The following GABBR2 variants were observed in gnomAD, a reference collection of about 807,000 sequenced individuals.
GABBR2 encodes G-protein coupled receptor 51.
In GABBR2, 23 loss-of-function variants were observed where a neutral mutation model predicts 105.6. That is an observed-to-expected ratio of 0.22 (90% CI 0.16 to 0.31). The LOEUF (loss-of-function observed/expected upper bound fraction) is 0.31. Among genes scored for constraint, GABBR2 ranks in the 10% least tolerant of loss-of-function variants. The pLI is 1.00. For missense variants in GABBR2, 734 were observed against 1,245.5 expected (o/e 0.59, Z 6.18); for synonymous variants, 478 against 499.7 (o/e 0.96, Z 0.58).
intron 2 of GABBR2, among the ~76,000 whole-genome samples, chr9:98,563,586 T>C (rs1459349257): frequency 6.6e-6 from 1 of 152,228 alleles, no homozygotes; most frequent in Non-Finnish European, 1.5e-5. Flanking sequence ...ACCCCGGATG[T>C]GAAGGAAGTC....
chr9:98,607,128 T>A, intron 1 of GABBR2: 1 of 1,609,458 alleles, frequency 6.2e-7, no homozygotes, highest in Non-Finnish European at 8.5e-7. Context: ...AAAGTTTTAA[T>A]CAAAGAAGGT....
intron 13 of GABBR2, among the ~76,000 whole-genome samples, chr9:98,360,664 T>G (rs1254424785): frequency 6.6e-6 from 1 of 152,122 alleles, no homozygotes; most frequent in African/African-American, 2.4e-5. Context: ...ATAGCAGCAG[T>G]GCTTATTACA....
intron 1 of GABBR2, among the ~76,000 whole-genome samples, chr9:98,589,773 G>A (rs147207208): frequency 6.8e-4 from 102 of 148,944 alleles, no homozygotes; most frequent in African/African-American, 2.5e-3. Flanking sequence ...GGAGTGCAGT[G>A]GTGCCATCAT....
intron 2 of GABBR2, among the ~76,000 whole-genome samples, chr9:98,560,836 TTAA>T (rs891479966): frequency 4.7e-5 from 7 of 149,984 alleles, no homozygotes; most frequent in African/African-American, 1.7e-4. Flanking sequence ...ACACATACAC[TTAA>T]TGATGTTTTT....
At chr9:98,481,949 T>C (rs1826931729) in intron 4 of GABBR2, among the ~76,000 whole-genome samples, 1 of 152,186 alleles carries the variant, frequency 6.6e-6, no homozygotes, top group Non-Finnish European at 1.5e-5. Flanking sequence ...GGGTCTTTGT[T>C]GCTTTCTGGG....
rs148736932 is a variant in GABBR2, at chr9:98,428,164, T to A, written c.1237-22023A>T. On this transcript the variant is annotated intron_variant, in intron 7 of 18. Transcript: ENST00000259455. The stretch of plus-strand genomic sequence containing the variant: ...CTGGATGGCTCAAAAGAAGAGACTT[T>A]ATTAAAAACTACTCGCAGGGTAGGG... Among the ~76,000 whole-genome samples, 376 of 152,294 alleles carry A rather than the reference T, an allele frequency of 2.5e-3. 3 individuals are homozygous for A. The highest frequency in any genetic ancestry group is 4.4e-3 in the Non-Finnish European group (302 of 68,030).
At chr9:98,585,666 A>G (rs1017935541) in intron 1 of GABBR2, among the ~76,000 whole-genome samples, 6 of 152,084 alleles carry the variant, frequency 3.9e-5, no homozygotes, top group African/African-American at 1.4e-4. Context: ...AAAAATATAT[A>G]TGTGTTAGGC....
At chr9:98,598,735 A>G (rs1460567649) in intron 1 of GABBR2, among the ~76,000 whole-genome samples, 1 of 152,100 alleles carries the variant, frequency 6.6e-6, no homozygotes, top group East Asian at 1.9e-4. Flanking sequence ...GGGCTTCCAC[A>G]TGGCTGGCAG....
Position 98,392,632 on chromosome 9 carries a change from G to A in GABBR2, c.1378+1543C>T, listed in dbSNP as rs62574570. On this transcript the variant is annotated intron_variant, in intron 9 of 18. Transcript: ENST00000259455. The stretch of plus-strand genomic sequence containing the variant: ...GACAGAGTCTAATCAAAGGGCCTGC[G>A]GAAGAGCCTTCTCTGGTGCCCTTGC... Among the ~76,000 whole-genome samples the A allele has an allele frequency of 3.2e-3, 494 of 152,264 alleles. 2 individuals carry two copies. The highest frequency in any genetic ancestry group is 4.8e-3 in the Non-Finnish European group (325 of 68,012).
intron 12 of GABBR2, among the ~76,000 whole-genome samples, chr9:98,364,403 C>G (rs894533386): frequency 6.6e-5 from 10 of 152,190 alleles, no homozygotes; most frequent in Non-Finnish European, 4.4e-5. Flanking sequence ...AAGGCCTGAC[C>G]TGCACCTTTC....
chr9:98,533,151 C>T (rs935035352), intron 3 of GABBR2, among the ~76,000 whole-genome samples: 7 of 152,192 alleles, frequency 4.6e-5, no homozygotes, highest in African/African-American at 1.7e-4. Flanking sequence ...CAACGATCCC[C>T]CCTTGCCAAG....
intron 3 of GABBR2, among the ~76,000 whole-genome samples, chr9:98,515,064 T>C (rs891565939): frequency 1.3e-5 from 2 of 152,092 alleles, no homozygotes; most frequent in African/African-American, 4.8e-5. Flanking sequence ...AACAAGAGAA[T>C]GAGCCAAGGA....
At chr9:98,436,348 CATATAT>C (rs1158239322) in intron 7 of GABBR2, among the ~76,000 whole-genome samples, 19 of 7,572 alleles carry the variant, frequency 2.5e-3, no homozygotes, top group Non-Finnish European at 3.4e-3. Context: ...ACACACACAC[CATATAT>C]ATATATATAT....
chr9:98,445,148 T>C (rs939732413), intron 7 of GABBR2, among the ~76,000 whole-genome samples: 1 of 152,234 alleles, frequency 6.6e-6, no homozygotes, highest in Non-Finnish European at 1.5e-5. Flanking sequence ...TCAGGAATTA[T>C]TGAGCTTCTA....
In GABBR2 at chr9:98,289,428, G is replaced by T. The variant is rs2131328599; in HGVS notation, c.*1156C>A. On this transcript the variant is annotated 3_prime_UTR_variant, in exon 19 of 19. Coordinates refer to ENST00000259455, the MANE Select transcript of GABBR2 (RefSeq NM_005458.8). ...AGTGCTCTTAGGGGCTCAATTTAAA[G>T]GGAGGAATGATCTTATGAATGAGAA... The T allele has an allele frequency of 6.5e-6, 1 of 152,684 alleles. No homozygotes were observed. The highest frequency in any genetic ancestry group is 1.9e-4 in the East Asian group (1 of 5,172). 9.5% of individuals were successfully genotyped at this position (152,684 alleles called of 1,614,324 possible).
intron 3 of GABBR2, among the ~76,000 whole-genome samples, chr9:98,523,505 G>A (rs761658145): frequency 1.5e-4 from 23 of 152,296 alleles, no homozygotes; most frequent in African/African-American, 4.8e-4. Context: ...GCTCTATTAC[G>A]TAGCAAAATG....
intron 3 of GABBR2, among the ~76,000 whole-genome samples, chr9:98,517,901 G>C (rs1827789813): frequency 2.3e-5 from 1 of 42,640 alleles, no homozygotes; most frequent in Non-Finnish European, 5.6e-5. Flanking sequence ...GAGGGAGTCA[G>C]AGGACCAGTG....
chr9:98,425,084 GATAT>G (rs1832850336), intron 7 of GABBR2, among the ~76,000 whole-genome samples: 1 of 151,650 alleles, frequency 6.6e-6, no homozygotes, highest in South Asian at 2.1e-4. Context: ...GAAAAAAGAG[GATAT>G]ATATTATATA....
chr9:98,509,432 C>G (rs1053362743), intron 3 of GABBR2, among the ~76,000 whole-genome samples: 2 of 152,100 alleles, frequency 1.3e-5, no homozygotes, highest in Admixed American at 6.6e-5. Context: ...ATGACTTTGA[C>G]GAGTTGAGAG....
Sources: gnomAD v4.1 joint callset for allele counts (sites outside exome capture counted in the v4.1 genomes callset) on GRCh38, gnomAD v4.1.1 for gene constraint, MANE v1.5 for transcripts, NCBI Gene and HGNC (gene_info 2026-07-23, HGNC 2026-07-21) for gene names.